Variants in PCDHGB2 observed in about 807,000 individuals in gnomAD.
PCDHGB2 encodes protocadherin gamma subfamily B, 2, also known as protocadherin gamma-B2.
PCDHGB2 carries 55 observed loss-of-function variants against 59.3 expected under a neutral mutation model. The observed-to-expected ratio is 0.93, with a 90% CI of 0.75 to 1.16. The LOEUF is 1.16. PCDHGB2 is among the 50% of genes most tolerant of loss of function. PCDHGB2 has a pLI of 0.00. For synonymous variants in PCDHGB2, 516 were observed against 512.0 expected (o/e 1.01, Z -0.11); for missense variants, 1,228 against 1,198.5 (o/e 1.02, Z -0.36).
At chr5:141,503,814 T>C (rs539980053) in intron 2 of PCDHGB2, among the ~76,000 whole-genome samples, 2 of 152,100 alleles carry the variant, frequency 1.3e-5, no homozygotes, top group East Asian at 3.9e-4. Flanking sequence ...GAATCCCAGA[T>C]TGGGCAAAAC....
chr5:141,409,818 C>T (rs1027344375), intron 1 of PCDHGB2: 2 of 1,610,918 alleles, frequency 1.2e-6, no homozygotes, highest in Non-Finnish European at 1.7e-6. Context: ...GACCACGGCT[C>T]GCCCACGCTC....
At chr5:141,462,596 A>G (rs1260411284) in intron 1 of PCDHGB2, among the ~76,000 whole-genome samples, 5 of 151,922 alleles carry the variant, frequency 3.3e-5, no homozygotes, top group African/African-American at 1.2e-4. Flanking sequence ...TTTCCATTTC[A>G]TATATTGTAT....
At chr5:141,495,605 T>G (rs1201224193) in intron 2 of PCDHGB2, among the ~76,000 whole-genome samples, 2 of 152,228 alleles carry the variant, frequency 1.3e-5, no homozygotes, top group African/African-American at 2.4e-5. Context: ...GCTTCCGTCT[T>G]GATTGCTGCA....
At chr5:141,405,156 T>C in intron 1 of PCDHGB2, 1 of 1,614,042 alleles carries the variant, frequency 6.2e-7, no homozygotes, top group Non-Finnish European at 8.5e-7. Flanking sequence ...TTGGCTGGTG[T>C]GCCCACCTCA....
chr5:141,487,392 G>A lies in PCDHGB2; in HGVS notation c.2422-7415G>A, dbSNP rs773126086. 2 of 1,614,176 alleles carry A rather than the reference G, an allele frequency of 1.2e-6. No individual in the cohort carries two copies. Among genetic ancestry groups the A allele is most frequent in the Non-Finnish European group, 1.7e-6 (2 of 1,180,024 alleles). On this transcript the variant is annotated intron_variant, in intron 1 of 3. Transcript: ENST00000522605. This position sits in a 1 kb window ranked among gnomAD's most constrained non-coding sequence, Gnocchi z 5.0. ...GCCTGTCTCACCAGATCTCGAAGGA[G>A]GGAGGGGCTTCCCCCTTCCAATGGG...
In PCDHGB2 at chr5:141,477,532, C is replaced by T. The variant is rs754570150; in HGVS notation, c.2422-17275C>T. On this transcript the variant is annotated intron_variant, in intron 1 of 3. Transcript: ENST00000522605. This position sits in a 1 kb window ranked among gnomAD's most constrained non-coding sequence, Gnocchi z 4.9. ...TTTACATTGAAGAAAACAACCTCCC[C>T]GGGGCTCCAATACTAAACCTAAGTG... 2.5e-6 allele frequency: 4 copies of T among 1,614,028 alleles called. No individual in the cohort carries two copies. Among genetic ancestry groups the T allele is most frequent in the Admixed American group, 1.7e-5 (1 of 60,000 alleles).
chr5:141,436,713 G>T (rs2097842329), intron 1 of PCDHGB2, among the ~76,000 whole-genome samples: 1 of 152,190 alleles, frequency 6.6e-6, no homozygotes, highest in Non-Finnish European at 1.5e-5. Context: ...TCGATGTTCT[G>T]TTGGGAAAAA....
Position 141,477,818 on chromosome 5 carries a change from C to T in PCDHGB2, c.2422-16989C>T, listed in dbSNP as rs202009040. 33 of 1,614,040 alleles carry T rather than the reference C, an allele frequency of 2.0e-5. No homozygotes were observed. The highest frequency in any genetic ancestry group is 1.3e-4 in the Admixed American group (8 of 60,006). On this transcript the variant is annotated intron_variant, in intron 1 of 3. Transcript: ENST00000522605. This position sits in a 1 kb window ranked among gnomAD's most constrained non-coding sequence, Gnocchi z 4.9. ...TCGCAATGACAATGCCCCCCAGGTCCTATATCCTCGGCCAGGTGGGAGCTC... is the reference window on the plus strand; with the variant it reads ...TCGCAATGACAATGCCCCCCAGGTCTTATATCCTCGGCCAGGTGGGAGCTC...
At chr5:141,438,595 T>C (rs11949887) in intron 1 of PCDHGB2, among the ~76,000 whole-genome samples, 1,254 of 57,838 alleles carry the variant, frequency 0.022, 9 homozygotes, top group Non-Finnish European at 0.023. Flanking sequence ...TACATACATA[T>C]ATATATATAT....
intron 1 of PCDHGB2, chr5:141,478,613 G>T: frequency 6.4e-7 from 1 of 1,557,312 alleles, no homozygotes; most frequent in African/African-American, 1.4e-5. Flanking sequence ...ATTGAGGAAG[G>T]AATGGAGCTG....
intron 1 of PCDHGB2, chr5:141,364,987 C>G (rs1267926945): frequency 6.2e-7 from 1 of 1,613,904 alleles, no homozygotes; most frequent in African/African-American, 1.3e-5. Context: ...ATGGCGGAGA[C>G]CCGGTACTCT....
intron 1 of PCDHGB2, chr5:141,422,516 G>A (rs575294611): frequency 1.2e-6 from 2 of 1,614,014 alleles, no homozygotes; most frequent in African/African-American, 1.3e-5. Context: ...GACCAGGGAA[G>A]CCCGCCTTTG....
intron 1 of PCDHGB2, among the ~76,000 whole-genome samples, chr5:141,468,193 C>T (rs2099159672): frequency 6.6e-6 from 1 of 151,600 alleles, no homozygotes; most frequent in Non-Finnish European, 1.5e-5. Flanking sequence ...GGCATGGTGG[C>T]GGGTGCCTGT....
intron 1 of PCDHGB2, chr5:141,391,427 A>G (rs1374909206): frequency 1.3e-5 from 2 of 151,516 alleles, no homozygotes; most frequent in Non-Finnish European, 2.9e-5. Flanking sequence ...TTCCTTCTGC[A>G]TCAGCCTCCT....
At chr5:141,363,766 C>T (rs532729519) in intron 1 of PCDHGB2, among the ~76,000 whole-genome samples, 1 of 152,236 alleles carries the variant, frequency 6.6e-6, no homozygotes, top group South Asian at 2.1e-4. Context: ...TGCAAATAAG[C>T]ACGTTTTCCT....
chr5:141,371,287 C>T, intron 1 of PCDHGB2: 2 of 1,613,928 alleles, frequency 1.2e-6, no homozygotes, highest in South Asian at 1.1e-5. Flanking sequence ...GACAGTAAAA[C>T]GGGGGAACTC....
At chr5:141,385,316 G>T in intron 1 of PCDHGB2, 2 of 1,610,350 alleles carry the variant, frequency 1.2e-6, no homozygotes, top group Non-Finnish European at 1.7e-6. Flanking sequence ...AACCTGCCAA[G>T]TATTCAGGTG....
At chr5:141,383,236 A>G in intron 1 of PCDHGB2, 1 of 1,613,978 alleles carries the variant, frequency 6.2e-7, no homozygotes, top group Non-Finnish European at 8.5e-7. Context: ...GATGGAAGAT[A>G]AAATGAATCT....
intron 1 of PCDHGB2, chr5:141,409,619 C>A: frequency 6.2e-7 from 1 of 1,613,898 alleles, no homozygotes; most frequent in Non-Finnish European, 8.5e-7. Flanking sequence ...CTCCATTGCG[C>A]AAGTGAGCGC....
Sources: allele counts gnomAD v4.1 joint callset (sites outside exome capture counted in the v4.1 genomes callset), GRCh38; gene constraint gnomAD v4.1.1; non-coding constraint Gnocchi (gnomAD v3.1); transcripts MANE v1.5; gene names NCBI Gene and HGNC (gene_info 2026-07-23, HGNC 2026-07-21).